PCDHA13: variants seen among roughly 807,000 people sequenced by gnomAD.
PCDHA13 encodes the protein protocadherin alpha 13.
PCDHA13 carries 54 observed loss-of-function variants against 64.8 expected under a neutral mutation model. The ratio of observed to expected loss-of-function variants is 0.83; its 90% CI spans 0.67 to 1.04. PCDHA13 has a LOEUF of 1.04. Among genes scored for constraint, PCDHA13 ranks in the 50% least tolerant of loss-of-function variants. The pLI is 0.00. For synonymous variants in PCDHA13, 587 were observed against 564.4 expected, an observed-to-expected ratio of 1.04 and a Z score of -0.57; for missense variants, 1,248 against 1,254.3, an observed-to-expected ratio of 0.99 and a Z score of 0.08.
chr5:140,955,701 A>G (rs1381358710), intron 1 of PCDHA13, among the ~76,000 whole-genome samples: 1 of 152,150 alleles, frequency 6.6e-6, no homozygotes, highest in Non-Finnish European at 1.5e-5. Context: ...ATGTCAATGG[A>G]AGTTTAATAG....
chr5:140,968,124 G>A (rs202202452), intron 1 of PCDHA13: 59 of 1,614,008 alleles, frequency 3.7e-5, no homozygotes, highest in Non-Finnish European at 4.7e-5. Flanking sequence ...ACATCCCTGC[G>A]TACACTGAAG....
chr5:140,946,561 T>C (rs1193170794), intron 1 of PCDHA13, among the ~76,000 whole-genome samples: 1 of 148,756 alleles, frequency 6.7e-6, no homozygotes, highest in Non-Finnish European at 1.5e-5. Context: ...AGTTCAGATA[T>C]AGAATCAACT....
In PCDHA13 at chr5:140,883,265, C is replaced by G. The variant is rs782741439; in HGVS notation, c.997C>G (p.His333Asp). 4.5e-5 allele frequency: 73 copies of G among 1,613,790 alleles called. No homozygotes were observed. The highest frequency in any genetic ancestry group is 6.0e-5 in the Non-Finnish European group (71 of 1,179,996). ...CAAAGGAAATATTCCAATGGCGGGTCATTGTACCCTTTTGGTGGAAGTACT... is the reference window on the plus strand; with the variant it reads ...CAAAGGAAATATTCCAATGGCGGGTGATTGTACCCTTTTGGTGGAAGTACT... ...VDKGNIPMAGHCTLLVEVLDV... is the reference protein window; with the variant it reads ...VDKGNIPMAGDCTLLVEVLDV... The change falls in exon 1 of 4, where the codon CAT (histidine) becomes GAT (aspartate). Residue 333 changes from histidine (H) to aspartate (D), a missense_variant. Transcript: ENST00000289272.
chr5:140,967,684 G>A (rs1404001288), intron 1 of PCDHA13: 2 of 1,614,074 alleles, frequency 1.2e-6, no homozygotes, highest in Non-Finnish European at 8.5e-7. Context: ...GGGAGAGGCA[G>A]CTCTTCAGCA....
intron 1 of PCDHA13, chr5:140,927,252 C>A: frequency 6.2e-7 from 1 of 1,614,134 alleles, no homozygotes; most frequent in Non-Finnish European, 8.5e-7. Flanking sequence ...CCAATGACAA[C>A]TCACCTCTCT....
At chr5:140,927,147 G>T (rs1554204095) in intron 1 of PCDHA13, 5 of 1,614,162 alleles carry the variant, frequency 3.1e-6, no homozygotes, top group Non-Finnish European at 4.2e-6. Context: ...ACCGCGAACA[G>T]CTGTGCAGGG....
intron 1 of PCDHA13, among the ~76,000 whole-genome samples, chr5:140,955,017 T>G (rs1157818120): frequency 6.6e-6 from 1 of 152,186 alleles, no homozygotes. Context: ...CCAGCACCAT[T>G]TATTAAATAG....
At chr5:140,990,314 C>G (rs1295117014) in intron 3 of PCDHA13, among the ~76,000 whole-genome samples, 1 of 152,094 alleles carries the variant, frequency 6.6e-6, no homozygotes, top group East Asian at 1.9e-4. Flanking sequence ...AAAAAACCAA[C>G]CAAACAAACT....
At chr5:140,991,022 C>T (rs1324609159) in intron 3 of PCDHA13, among the ~76,000 whole-genome samples, 1 of 152,164 alleles carries the variant, frequency 6.6e-6, no homozygotes, top group Non-Finnish European at 1.5e-5. Flanking sequence ...AAGCACTTTA[C>T]ATATGTTGCA....
chr5:140,964,167 C>G (rs370784169), intron 1 of PCDHA13, among the ~76,000 whole-genome samples: 1 of 152,134 alleles, frequency 6.6e-6, no homozygotes, highest in Non-Finnish European at 1.5e-5. Flanking sequence ...GTGTGAGGAA[C>G]GAAATCATTA....
chr5:140,948,076 A>G (rs1554218436), intron 1 of PCDHA13, among the ~76,000 whole-genome samples: 1 of 151,508 alleles, frequency 6.6e-6, no homozygotes, highest in Non-Finnish European at 1.5e-5. Flanking sequence ...ATTTTCTTTT[A>G]ATCTATTGAT....
At chr5:140,891,849 C>G (rs1446447359) in intron 1 of PCDHA13, among the ~76,000 whole-genome samples, 2 of 152,262 alleles carry the variant, frequency 1.3e-5, no homozygotes, top group African/African-American at 4.8e-5. Context: ...TGGAAGGAGC[C>G]TGTCCCTCTC....
At chr5:140,955,407 C>T (rs1453424058) in intron 1 of PCDHA13, among the ~76,000 whole-genome samples, 1 of 152,098 alleles carries the variant, frequency 6.6e-6, no homozygotes, top group African/African-American at 2.4e-5. Flanking sequence ...ATACAGTTCT[C>T]ATGATAGTGA....
chr5:140,898,644 T>C (rs2066890005), intron 1 of PCDHA13, among the ~76,000 whole-genome samples: 2 of 152,226 alleles, frequency 1.3e-5, no homozygotes, highest in Admixed American at 1.3e-4. Context: ...GCTTTGTTCT[T>C]TTGGCTTAGG....
At chr5:140,951,832 C>A (rs2094641157) in intron 1 of PCDHA13, among the ~76,000 whole-genome samples, 1 of 152,142 alleles carries the variant, frequency 6.6e-6, no homozygotes, top group East Asian at 1.9e-4. Context: ...CTCATTCCAG[C>A]ATTAAGCCAA....
chr5:140,925,026 G>A (rs1440774987), intron 1 of PCDHA13, among the ~76,000 whole-genome samples: 1 of 151,826 alleles, frequency 6.6e-6, no homozygotes, highest in Non-Finnish European at 1.5e-5. Flanking sequence ...TGGGAGGATC[G>A]CTTGAGCCCA....
At chr5:140,970,554 G>A (rs72802985) in intron 1 of PCDHA13, among the ~76,000 whole-genome samples, 7,177 of 152,136 alleles carry the variant, frequency 0.047, 194 homozygotes, top group Non-Finnish European at 0.062. Context: ...TTGTGTGTTC[G>A]TCTCCATATG....
chr5:141,010,325 G>T lies in PCDHA13; in HGVS notation c.*388G>T. On this transcript the variant is annotated 3_prime_UTR_variant, in exon 4 of 4. Coordinates refer to ENST00000289272, the MANE Select transcript of PCDHA13 (RefSeq NM_018904.3). Reference sequence around the variant, plus strand: ...GAAAAGTTTTGAGATTGAGCAGCTTGGGAGTTTGTGGCCACTGGGTATGTG... The same window carrying T: ...GAAAAGTTTTGAGATTGAGCAGCTTTGGAGTTTGTGGCCACTGGGTATGTG... 1 of 1,539,506 alleles carries T rather than the reference G, an allele frequency of 6.5e-7. No individual in the cohort carries two copies. The highest frequency in any genetic ancestry group is 8.7e-7 in the Non-Finnish European group (1 of 1,142,888).
chr5:140,892,061 T>C (rs1445819046), intron 1 of PCDHA13, among the ~76,000 whole-genome samples: 1 of 152,254 alleles, frequency 6.6e-6, no homozygotes, highest in Non-Finnish European at 1.5e-5. Context: ...AATTTATTGT[T>C]ACTTTGTATA....
Sources: allele counts gnomAD v4.1 joint callset (sites outside exome capture counted in the v4.1 genomes callset), GRCh38; gene constraint gnomAD v4.1.1; transcripts MANE v1.5; gene names NCBI Gene and HGNC (gene_info 2026-07-23, HGNC 2026-07-21).